Variants in MAPKAP1 observed in about 807,000 individuals in gnomAD.
MAPKAP1 encodes target of rapamycin complex 2 subunit MAPKAP1.
In MAPKAP1, 20 loss-of-function variants were observed where a neutral mutation model predicts 65.7. That is an observed-to-expected ratio of 0.30 (90% CI 0.21 to 0.44). The LOEUF is 0.44. Ranked by LOEUF, MAPKAP1 falls within the 20% of genes least tolerant of loss-of-function variation. The pLI is 1.00. For missense variants in MAPKAP1, 423 were observed against 648.0 expected, an observed-to-expected ratio of 0.65 and a Z score of 3.77; for synonymous variants, 222 against 244.3, an observed-to-expected ratio of 0.91 and a Z score of 0.85.
chr9:125,579,596 G>A (rs573490206), intron 5 of MAPKAP1, among the ~76,000 whole-genome samples: 39 of 152,132 alleles, frequency 2.6e-4, no homozygotes, highest in Non-Finnish European at 5.0e-4. Context: ...CCCGGCCCAA[G>A]AACAATATTC....
chr9:125,532,436 A>C lies in MAPKAP1; in HGVS notation c.958+10623T>G, dbSNP rs561737544. Among the ~76,000 whole-genome samples the C allele has an allele frequency of 3.0e-4, 46 of 152,366 alleles. 1 individual carries two copies. In the South Asian group the frequency reaches 7.2e-3, roughly 24 times the overall value. ...AAAGAAAAGTAAGGACACACACACA[A>C]AAAGCAGTTGCAAAAGAGATGAGGG... On this transcript the variant is annotated intron_variant, in intron 7 of 11. Transcript: ENST00000265960.
chr9:125,700,746 T>C (rs1304926940), intron 1 of MAPKAP1, among the ~76,000 whole-genome samples: 1 of 152,224 alleles, frequency 6.6e-6, no homozygotes, highest in East Asian at 1.9e-4. Context: ...TATTTCCTTA[T>C]ACAATAGAGT....
In MAPKAP1 at chr9:125,503,308, TG is replaced by T. The variant is rs535568263; in HGVS notation, c.1066+3001del. Among the ~76,000 whole-genome samples, 10 of 152,338 alleles carry T rather than the reference TG, an allele frequency of 6.6e-5. No individual in the cohort carries two copies. In the South Asian group the frequency reaches 1.7e-3, roughly 25 times the overall value. ...CCCCTGGCAAACCCTGGACTTCTTT[TG>T]TCTCCTTTCCTCTAAAGGCTATCCA... On this transcript the variant is annotated intron_variant, in intron 8 of 11. Coordinates refer to ENST00000265960, the MANE Select transcript of MAPKAP1 (RefSeq NM_001006617.3).
At chr9:125,543,236 C>G (rs767926439) in intron 6 of MAPKAP1, 68 bp from the exon 7 acceptor site, 1 of 1,194,560 alleles carries the variant, frequency 8.4e-7, no homozygotes, top group Non-Finnish European at 1.2e-6. Flanking sequence ...GCAATCTTCA[C>G]TGTGTTTAAG....
chr9:125,678,870 G>T (rs946789552), intron 1 of MAPKAP1, among the ~76,000 whole-genome samples: 1 of 152,004 alleles, frequency 6.6e-6, no homozygotes, highest in African/African-American at 2.4e-5. Context: ...GAAAGGTTAA[G>T]AAACTTGCCC....
At chr9:125,689,203 C>T (rs1007675878) in intron 1 of MAPKAP1, among the ~76,000 whole-genome samples, 3 of 149,184 alleles carry the variant, frequency 2.0e-5, no homozygotes, top group African/African-American at 4.9e-5. Flanking sequence ...TTTGGGAGGC[C>T]GAGGTGGGCG....
chr9:125,438,674 C>T lies in MAPKAP1; in HGVS notation c.*213G>A. The T allele has an allele frequency of 1.8e-6, 1 of 557,852 alleles. No individual in the cohort carries two copies. The highest frequency in any genetic ancestry group is 3.1e-6 in the Non-Finnish European group (1 of 323,290). 34.6% of individuals were successfully genotyped at this position (557,852 alleles called of 1,614,324 possible). A position where few individuals can be genotyped will look rare whatever the true frequency, so the allele number is the denominator to read the frequency against. On this transcript the variant is annotated 3_prime_UTR_variant, in exon 12 of 12. Coordinates refer to ENST00000265960, the MANE Select transcript of MAPKAP1 (RefSeq NM_001006617.3). ...ACCCCCAAGCATCGCTTATCAAAGC[C>T]ACTGCCAAGCAGACTTCCGTCCCAT...
intron 8 of MAPKAP1, among the ~76,000 whole-genome samples, chr9:125,489,676 C>T (rs978446937): frequency 9.2e-5 from 14 of 152,218 alleles, no homozygotes; most frequent in African/African-American, 2.9e-4. Context: ...GGCCTCACAC[C>T]TGTCTTCAGT....
chr9:125,632,512 A>G (rs985196505), intron 4 of MAPKAP1, among the ~76,000 whole-genome samples: 2 of 152,186 alleles, frequency 1.3e-5, no homozygotes, highest in African/African-American at 4.8e-5. Context: ...TTCATGTGCT[A>G]CTTGGTTAAA....
intron 1 of MAPKAP1, among the ~76,000 whole-genome samples, chr9:125,676,037 A>G (rs1834634090): frequency 6.6e-6 from 1 of 152,232 alleles, no homozygotes; most frequent in Non-Finnish European, 1.5e-5. Flanking sequence ...AGACAAGGAC[A>G]TACATATCAC....
At chr9:125,565,025 G>A (rs527627976) in intron 5 of MAPKAP1, among the ~76,000 whole-genome samples, 2 of 152,142 alleles carry the variant, frequency 1.3e-5, no homozygotes, top group Non-Finnish European at 2.9e-5. Flanking sequence ...TTTGAACAAC[G>A]AATGGATGCA....
intron 4 of MAPKAP1, among the ~76,000 whole-genome samples, chr9:125,610,085 C>T (rs78486963): frequency 6.6e-6 from 1 of 152,172 alleles, no homozygotes; most frequent in Non-Finnish European, 1.5e-5. Context: ...ATTTGAAAAG[C>T]TTTTTTGGAG....
At chr9:125,671,647 TA>T (rs1359924440) in intron 2 of MAPKAP1, among the ~76,000 whole-genome samples, 2 of 151,792 alleles carry the variant, frequency 1.3e-5, no homozygotes, top group Non-Finnish European at 2.9e-5. Context: ...ACCAAAAAAA[TA>T]TAAGTGGGAA....
At chr9:125,675,222 C>T (rs1834611005) in intron 1 of MAPKAP1, among the ~76,000 whole-genome samples, 1 of 152,128 alleles carries the variant, frequency 6.6e-6, no homozygotes, top group Non-Finnish European at 1.5e-5. Flanking sequence ...ATAGTTCTCC[C>T]TTGCAAAAAC....
chr9:125,644,879 A>C (rs475245), intron 4 of MAPKAP1, among the ~76,000 whole-genome samples: 136,575 of 152,234 alleles, frequency 0.9, 62,052 homozygotes, highest in East Asian at 1. Context: ...AAAATTACAT[A>C]TTAACATTTT....
chr9:125,505,491 TA>T (rs1468416838), intron 8 of MAPKAP1, among the ~76,000 whole-genome samples: 3 of 151,788 alleles, frequency 2.0e-5, no homozygotes, highest in Admixed American at 6.6e-5. Context: ...AAATAATAAA[TA>T]AATGAATAGA....
At chr9:125,445,937 T>C (rs1852697055) in intron 10 of MAPKAP1, among the ~76,000 whole-genome samples, 1 of 152,044 alleles carries the variant, frequency 6.6e-6, no homozygotes, top group South Asian at 2.1e-4. Context: ...ATCTCTAATA[T>C]ACAGGTCTCC....
chr9:125,567,926 AG>A (rs1363942470), intron 5 of MAPKAP1: 6 of 152,252 alleles, frequency 3.9e-5, no homozygotes, highest in South Asian at 2.1e-4. Context: ...GAACCACAAA[AG>A]GGACAATACT....
chr9:125,505,362 T>G (rs572623025), intron 8 of MAPKAP1, among the ~76,000 whole-genome samples: 18 of 151,746 alleles, frequency 1.2e-4, no homozygotes, highest in African/African-American at 3.9e-4. Context: ...GAGGTGGAGG[T>G]TGCAGTGAGC....
Sources: gnomAD v4.1 joint callset for allele counts (sites outside exome capture counted in the v4.1 genomes callset) on GRCh38, gnomAD v4.1.1 for gene constraint, MANE v1.5 for transcripts, NCBI Gene and HGNC (gene_info 2026-07-23, HGNC 2026-07-21) for gene names.